Variants in ZNF385B observed in about 807,000 individuals in gnomAD.
The protein encoded by ZNF385B is zinc finger protein 533.
ZNF385B carries 23 observed loss-of-function variants against 39.2 expected under a neutral mutation model. That is an observed-to-expected ratio of 0.59 (90% CI 0.42 to 0.83). The LOEUF (loss-of-function observed/expected upper bound fraction) is 0.83, where lower values mean the gene tolerates loss of function less well. Among genes scored for constraint, ZNF385B ranks in the 40% least tolerant of loss-of-function variants. The pLI is 0.00. For missense variants in ZNF385B, 552 were observed against 598.9 expected (o/e 0.92, Z 0.82); for synonymous variants, 205 against 222.6 (o/e 0.92, Z 0.70).
chr2:179,601,289 T>C (rs1465503610), intron 3 of ZNF385B, among the ~76,000 whole-genome samples: 3 of 152,190 alleles, frequency 2.0e-5, no homozygotes, highest in Non-Finnish European at 2.9e-5. Context: ...GAAGCAAGAA[T>C]GAGATTTTGA....
At chr2:179,626,098 A>C (rs917450830) in intron 3 of ZNF385B, among the ~76,000 whole-genome samples, 1 of 152,186 alleles carries the variant, frequency 6.6e-6, no homozygotes, top group Admixed American at 6.5e-5. Flanking sequence ...ATTTTACTTC[A>C]CAACTCAGAA....
At position 179,641,359 on chromosome 2, in the gene ZNF385B, T is replaced by C. The variant is rs7593301; in HGVS notation, c.299-96390A>G. 8.8e-3 allele frequency among the ~76,000 whole-genome samples: 1,345 copies of C among 152,296 alleles called. 22 individuals carry two copies. The highest frequency in any genetic ancestry group is 0.031 in the African/African-American group (1,296 of 41,572). The stretch of plus-strand genomic sequence containing the variant: ...CACCTTCCCCATGCAGTTATATTTT[T>C]CTGCAGGCAAAACAACTGAAATAGA... On this transcript the variant is annotated intron_variant, in intron 3 of 9. Transcript: ENST00000410066.
At chr2:179,521,959 A>G (rs2058538966) in intron 4 of ZNF385B, among the ~76,000 whole-genome samples, 1 of 151,972 alleles carries the variant, frequency 6.6e-6, no homozygotes, top group Non-Finnish European at 1.5e-5. Flanking sequence ...TCTAGTCTAA[A>G]TCTCTTCTTC....
chr2:179,781,762 A>G (rs558050654), intron 1 of ZNF385B, among the ~76,000 whole-genome samples: 67 of 152,308 alleles, frequency 4.4e-4, no homozygotes, highest in Non-Finnish European at 7.8e-4. Flanking sequence ...CATCCTGCCA[A>G]GACTGAGCCA....
At chr2:179,695,180 T>C (rs1293158446) in intron 3 of ZNF385B, among the ~76,000 whole-genome samples, 1 of 152,206 alleles carries the variant, frequency 6.6e-6, no homozygotes, top group Non-Finnish European at 1.5e-5. Context: ...ACTAGAGTTA[T>C]GATATCATCA....
chr2:179,774,710 GT>G (rs1304353177), intron 1 of ZNF385B, among the ~76,000 whole-genome samples: 6 of 152,312 alleles, frequency 3.9e-5, no homozygotes, highest in South Asian at 2.1e-4. Context: ...GCCCACAGCT[GT>G]TTGCATTTTG....
At chr2:179,763,955 G>T (rs1364638583) in intron 3 of ZNF385B, among the ~76,000 whole-genome samples, 1 of 152,100 alleles carries the variant, frequency 6.6e-6, no homozygotes, top group African/African-American at 2.4e-5. Context: ...TTGAGTAGAG[G>T]TCTATATAAA....
intron 4 of ZNF385B, among the ~76,000 whole-genome samples, chr2:179,540,446 C>G (rs2059843237): frequency 6.6e-6 from 1 of 151,736 alleles, no homozygotes; most frequent in Admixed American, 6.6e-5. Context: ...AACTCTGTCT[C>G]AAACAAACAA....
chr2:179,543,930 T>G (rs1274892959), intron 4 of ZNF385B, among the ~76,000 whole-genome samples: 1 of 152,212 alleles, frequency 6.6e-6, no homozygotes, highest in African/African-American at 2.4e-5. Flanking sequence ...CTTCAGATGC[T>G]TGCTGTCTGG....
rs191816445 is a variant in ZNF385B at position 179,521,048 on chromosome 2, T to C, written c.442-2410A>G. 4.0e-5 allele frequency among the ~76,000 whole-genome samples: 6 copies of C among 151,674 alleles called. No homozygotes were observed. The East Asian group carries it at 9.7e-4, about 25-fold the overall frequency. ...ACATTTACGAATATCTAGTTTCAAG[T>C]TCTTAGTAGACTATTGTATCTATTG... On this transcript the variant is annotated intron_variant, in intron 4 of 9. Coordinates refer to ENST00000410066, the MANE Select transcript of ZNF385B (RefSeq NM_152520.6).
At chr2:179,565,278 A>C (rs1457545194) in intron 3 of ZNF385B, among the ~76,000 whole-genome samples, 2 of 152,166 alleles carry the variant, frequency 1.3e-5, no homozygotes, top group Non-Finnish European at 2.9e-5. Context: ...ACATTAATTG[A>C]CTTAGCCCCA....
intron 1 of ZNF385B, among the ~76,000 whole-genome samples, chr2:179,807,092 T>A (rs1706399223): frequency 1.3e-5 from 2 of 152,130 alleles, no homozygotes; most frequent in Non-Finnish European, 2.9e-5. Flanking sequence ...GCCAAGGAAA[T>A]AAACAGAGAA....
intron 3 of ZNF385B, among the ~76,000 whole-genome samples, chr2:179,689,783 A>ATG (rs112957152): frequency 0.045 from 5,875 of 129,998 alleles, 121 homozygotes; most frequent in Admixed American, 0.057. Context: ...GGGCAGGGGC[A>ATG]TGTGTGTGTG....
At chr2:179,735,295 T>G (rs1490196957) in intron 3 of ZNF385B, among the ~76,000 whole-genome samples, 1 of 149,130 alleles carries the variant, frequency 6.7e-6, no homozygotes, top group Non-Finnish European at 1.5e-5. Flanking sequence ...TCATCATCAC[T>G]GGCCATCAGA....
intron 3 of ZNF385B, among the ~76,000 whole-genome samples, chr2:179,757,124 C>T (rs1033292896): frequency 1.1e-4 from 17 of 152,146 alleles, no homozygotes; most frequent in African/African-American, 2.4e-4. Context: ...ATGATGGTGA[C>T]GTACAGATGG....
At chr2:179,849,486 T>C (rs1575596507) in intron 1 of ZNF385B, among the ~76,000 whole-genome samples, 1 of 152,242 alleles carries the variant, frequency 6.6e-6, no homozygotes, top group East Asian at 1.9e-4. Flanking sequence ...TTCTCTAATT[T>C]TGGAGATTTG....
chr2:179,477,715 G>A (rs1181703960), intron 6 of ZNF385B, among the ~76,000 whole-genome samples: 1 of 152,086 alleles, frequency 6.6e-6, no homozygotes, highest in African/African-American at 2.4e-5. Context: ...GTCTGTAACT[G>A]TCAAGCAGGA....
At chr2:179,638,919 A>T (rs1692003220) in intron 3 of ZNF385B, among the ~76,000 whole-genome samples, 1 of 152,110 alleles carries the variant, frequency 6.6e-6, no homozygotes, top group South Asian at 2.1e-4. Context: ...GGATTATAAT[A>T]CTATTGAATT....
intron 3 of ZNF385B, among the ~76,000 whole-genome samples, chr2:179,765,852 G>T (rs984037386): frequency 6.6e-6 from 1 of 152,048 alleles, no homozygotes; most frequent in Non-Finnish European, 1.5e-5. Flanking sequence ...AACTGGATGG[G>T]GAAAGCATTA....
Sources: gnomAD v4.1 joint callset for allele counts (sites outside exome capture counted in the v4.1 genomes callset) on GRCh38, gnomAD v4.1.1 for gene constraint, MANE v1.5 for transcripts, NCBI Gene and HGNC (gene_info 2026-07-23, HGNC 2026-07-21) for gene names.